The following TMEM225B variants were observed in gnomAD, a reference collection of about 807,000 sequenced individuals.
TMEM225B encodes transmembrane protein 225B.
In TMEM225B, 10 loss-of-function variants were observed where a neutral mutation model predicts 16.9. The ratio of observed to expected loss-of-function variants is 0.59; its 90% CI spans 0.36 to 1.00. The LOEUF (loss-of-function observed/expected upper bound fraction) is 1.00. TMEM225B is among the 50% of genes least tolerant of loss of function. The pLI is 0.01. For synonymous variants in TMEM225B, 92 were observed against 109.8 expected, an observed-to-expected ratio of 0.84 and a Z score of 1.01; for missense variants, 217 against 267.0, an observed-to-expected ratio of 0.81 and a Z score of 1.30.
chr7:99,599,211 G>A (rs1311485785), intron 1 of TMEM225B, among the ~76,000 whole-genome samples: 2 of 146,270 alleles, frequency 1.4e-5, no homozygotes, highest in Middle Eastern at 3.4e-3. Flanking sequence ...TCCTGATCTC[G>A]TGATCCACCT....
chr7:99,598,537 T>C (rs1487102668), intron 1 of TMEM225B, among the ~76,000 whole-genome samples, 156 bp downstream of exon 1: 3 of 152,120 alleles, frequency 2.0e-5, no homozygotes, highest in Non-Finnish European at 4.4e-5. Context: ...GCGGATGGCC[T>C]GGTTAGGGCC....
At chr7:99,602,295 A>C (rs750413712) in intron 2 of TMEM225B, among the ~76,000 whole-genome samples, 5 of 152,314 alleles carry the variant, frequency 3.3e-5, no homozygotes, top group Admixed American at 6.5e-5. Context: ...CTCAGCACAG[A>C]CAGAGGGGAA....
chr7:99,605,033 C>A (rs903700343), intron 3 of TMEM225B, among the ~76,000 whole-genome samples: 3 of 145,732 alleles, frequency 2.1e-5, no homozygotes, highest in Non-Finnish European at 3.0e-5. Flanking sequence ...ACAACAACAA[C>A]AAAACACAAA....
intron 1 of TMEM225B, among the ~76,000 whole-genome samples, chr7:99,599,454 A>G (rs1026851329): frequency 6.6e-6 from 1 of 152,050 alleles, no homozygotes; most frequent in Non-Finnish European, 1.5e-5. Context: ...CTGTAGTCCC[A>G]GCTACTCGGG....
intron 1 of TMEM225B, among the ~76,000 whole-genome samples, chr7:99,599,436 G>A (rs1340324967): frequency 3.9e-5 from 6 of 152,036 alleles, no homozygotes; most frequent in Non-Finnish European, 7.4e-5. Flanking sequence ...AGGTGTAATG[G>A]CATACACCTG....
intron 5 of TMEM225B, among the ~76,000 whole-genome samples, chr7:99,609,288 A>G (rs979952267): frequency 4.6e-5 from 7 of 152,184 alleles, no homozygotes; most frequent in Non-Finnish European, 7.3e-5. Context: ...GATTTCCATG[A>G]ATTCTTTGAA....
intron 4 of TMEM225B, among the ~76,000 whole-genome samples, chr7:99,607,323 G>T (rs754931783): frequency 6.6e-6 from 1 of 152,094 alleles, no homozygotes; most frequent in East Asian, 1.9e-4. Context: ...GGTGACCCAG[G>T]CTCCACCCTG....
chr7:99,609,655 C>T (rs770287150), intron 5 of TMEM225B, among the ~76,000 whole-genome samples: 3 of 151,926 alleles, frequency 2.0e-5, no homozygotes, highest in African/African-American at 2.4e-5. Flanking sequence ...AGGCTGGTCT[C>T]GAACTCCTGA....
chr7:99,606,728 C>T lies in TMEM225B; in HGVS notation c.209-20C>T. ...GGGTCAGGGTTCCCAGCTTCAGCCCCACTTCTCCCTCCCCTGCAGTTTACA... is the reference window on the plus strand; with the variant it reads ...GGGTCAGGGTTCCCAGCTTCAGCCCTACTTCTCCCTCCCCTGCAGTTTACA... On this transcript the variant is annotated intron_variant, in intron 3 of 5. Transcript: ENST00000431679. 1 of 1,535,298 alleles carries T rather than the reference C, an allele frequency of 6.5e-7. No homozygotes were observed. Among genetic ancestry groups the T allele is most frequent in the Middle Eastern group, 1.7e-4 (1 of 5,978 alleles).
rs1805937578 is a variant in TMEM225B at position 99,607,689 on chromosome 7, G to A, written c.372G>A (p.Leu124=). Residue 124 remains leucine (L), a synonymous_variant, in exon 5 of 6, where the codon CTG becomes CTA. Transcript: ENST00000431679. ...ISFFTGACAF[L]ALVLHALEIK... ...ACCCTCCAGGGGCCTGTGCCTTCCT[G>A]GCTTTGGTGCTGCATGCCCTGGAGA... 2 of 1,535,874 alleles carry A rather than the reference G, an allele frequency of 1.3e-6. No homozygotes were observed. Among genetic ancestry groups the A allele is most frequent in the African/African-American group, 1.4e-5 (1 of 73,050 alleles).
In TMEM225B at chr7:99,611,043, G is replaced by T. The variant is rs1584329272; in HGVS notation, c.*478G>T. On this transcript the variant is annotated 3_prime_UTR_variant, in exon 6 of 6. Coordinates refer to ENST00000431679, the MANE Select transcript of TMEM225B (RefSeq NM_001195541.3). ...CAGATTTATTAAAGGAAGTATAAAA[G>T]TACATTGCCGGGCTGGGCGTGGTGG... 6.6e-6 allele frequency among the ~76,000 whole-genome samples: 1 copy of T among 152,106 alleles called. No individual in the cohort carries two copies. The highest frequency in any genetic ancestry group is 1.9e-4 in the East Asian group (1 of 5,196).
rs1444867277 is a variant in TMEM225B, at chr7:99,604,547, A to G, written c.159A>G (p.Leu53=). 2.0e-6 allele frequency: 3 copies of G among 1,535,992 alleles called. No homozygotes were observed. The highest frequency in any genetic ancestry group is 2.6e-6 in the Non-Finnish European group (3 of 1,146,910). The change falls in exon 3 of 6, where the codon CTA becomes CTG. Residue 53 remains leucine (L), a synonymous_variant. Coordinates refer to ENST00000431679, the MANE Select transcript of TMEM225B (RefSeq NM_001195541.3). The stretch of plus-strand genomic sequence containing the variant: ...CCCACGAAGTCTTTTTCAGTGGCCT[A>G]TTTGAGAACTGCTTCAATGCCAAAT... ...EESHEVFFSG[L]FENCFNAKCW...
chr7:99,607,787 G>T lies in TMEM225B; in HGVS notation c.470G>T (p.Gly157Val). Reference sequence around the variant, plus strand: ...TGGCCTTACTACGTGCTGGGCTTCGGCATCTTTCTGTTCATAGTGGCTGGT... The same window carrying T: ...TGGCCTTACTACGTGCTGGGCTTCGTCATCTTTCTGTTCATAGTGGCTGGT... The part of the protein sequence containing the change: ...VLWPYYVLGF[G>V]IFLFIVAGTI... The change falls in exon 5 of 6, where the codon GGC becomes GTC. Residue 157 changes from glycine to valine, a missense_variant. By Grantham distance (109) the Gly-to-Val change is moderately radical. Coordinates refer to ENST00000431679, the MANE Select transcript of TMEM225B (RefSeq NM_001195541.3). The T allele has an allele frequency of 6.5e-7, 1 of 1,536,060 alleles. No individual in the cohort carries two copies. Among genetic ancestry groups the T allele is most frequent in the South Asian group, 1.2e-5 (1 of 84,058 alleles).
intron 4 of TMEM225B, 48 bp downstream of exon 4, chr7:99,606,942 GA>G (rs757653762): frequency 6.5e-6 from 10 of 1,530,124 alleles, no homozygotes; most frequent in Non-Finnish European, 8.8e-6. Context: ...GCCTGGGGAG[GA>G]GTCCAGAGAA....
At chr7:99,607,605 G>A in intron 4 of TMEM225B, 68 bp from the exon 5 acceptor site, 1 of 1,460,422 alleles carries the variant, frequency 6.8e-7, no homozygotes, top group Non-Finnish European at 9.1e-7. Flanking sequence ...GAGCCACAGG[G>A]GGTGAAGTTT....
intron 2 of TMEM225B, among the ~76,000 whole-genome samples, chr7:99,601,130 C>G (rs867091305): frequency 3.3e-5 from 5 of 152,178 alleles, no homozygotes; most frequent in Non-Finnish European, 5.9e-5. Context: ...AGGACAGGAT[C>G]AAGATGCAGC....
intron 1 of TMEM225B, among the ~76,000 whole-genome samples, chr7:99,599,607 G>A (rs937549269): frequency 6.6e-6 from 1 of 152,162 alleles, no homozygotes; most frequent in African/African-American, 2.4e-5. Context: ...TAGATAAGTT[G>A]CTTTGTTTTT....
At chr7:99,608,838 C>CATATATATATATATATATATAT (rs1562956515) in intron 5 of TMEM225B, among the ~76,000 whole-genome samples, 9 of 110,034 alleles carry the variant, frequency 8.2e-5, no homozygotes, top group South Asian at 2.8e-4. Flanking sequence ...TGTGTGTGCA[C>CATATATATATATATATATATAT]GTATATATAT....
rs1315753172 is a variant in TMEM225B at position 99,606,833 on chromosome 7, CG to C, written c.295del (p.Glu99SerfsTer13). ...TTFIMMPFAS[E>X]FFPRTWKQNF... ...CCTTCATCATGATGCCCTTTGCATCCGAGTTCTTCCCGAGGACCTGGAAGCA... is the reference window on the plus strand; with the variant it reads ...CCTTCATCATGATGCCCTTTGCATCCAGTTCTTCCCGAGGACCTGGAAGCA... On this transcript the variant is annotated frameshift_variant, in exon 4 of 6. Transcript: ENST00000431679. LOFTEE classifies it high-confidence loss of function. 1.3e-6 allele frequency: 2 copies of C among 1,535,978 alleles called. No homozygotes were observed. Among genetic ancestry groups the C allele is most frequent in the African/African-American group, 2.7e-5 (2 of 73,020 alleles).
Sources: gnomAD v4.1 joint callset for allele counts (sites outside exome capture counted in the v4.1 genomes callset) on GRCh38, gnomAD v4.1.1 for gene constraint, MANE v1.5 for transcripts, NCBI Gene and HGNC (gene_info 2026-07-23, HGNC 2026-07-21) for gene names.